SORCS2: variants seen among roughly 807,000 people sequenced by gnomAD.
SORCS2 encodes VPS10 domain-containing receptor SorCS2.
In SORCS2, 100 loss-of-function variants were observed where a neutral mutation model predicts 141.6. The ratio of observed to expected loss-of-function variants is 0.71; its 90% confidence interval spans 0.60 to 0.83. SORCS2 has a LOEUF of 0.83. SORCS2 is among the 40% of genes least tolerant of loss of function. SORCS2 has a pLI of 0.00. For synonymous variants in SORCS2, 789 were observed against 676.9 expected (o/e 1.17, Z -2.57); for missense variants, 1,646 against 1,560.2 (o/e 1.05, Z -0.93).
Position 7,342,572 on chromosome 4 carries a change from T to C in SORCS2, c.481-53716T>C, listed in dbSNP as rs1391504945. On this transcript the variant is annotated intron_variant, in intron 1 of 26. Transcript: ENST00000507866. ...TCCTTTCACCCTTGGAGGTGCGGCGTGAAAGGGAGGTGGAGGCGAACCTTG... is the reference window on the plus strand; with the variant it reads ...TCCTTTCACCCTTGGAGGTGCGGCGCGAAAGGGAGGTGGAGGCGAACCTTG... Among the ~76,000 whole-genome samples the C allele has an allele frequency of 2.0e-5, 3 of 151,990 alleles. No homozygotes were observed. The East Asian group carries it at 5.8e-4, about 30-fold the overall frequency.
At chr4:7,547,691 T>C in intron 3 of SORCS2, among the ~76,000 whole-genome samples, 1 of 152,178 alleles carries the variant, frequency 6.6e-6, no homozygotes, top group East Asian at 1.9e-4. Flanking sequence ...AGGACCCCAG[T>C]CACGGGATCT....
chr4:7,231,993 A>G (rs1177018171), intron 1 of SORCS2, among the ~76,000 whole-genome samples: 1 of 152,192 alleles, frequency 6.6e-6, no homozygotes, highest in Non-Finnish European at 1.5e-5. Flanking sequence ...GTCCTGGCCC[A>G]TCCTGGAGCT....
intron 1 of SORCS2, among the ~76,000 whole-genome samples, chr4:7,242,137 C>G (rs982546340): frequency 1.3e-5 from 2 of 152,218 alleles, no homozygotes; most frequent in Non-Finnish European, 2.9e-5. Context: ...GTGGCTGGTC[C>G]TTAGGAAAGC....
In SORCS2 at chr4:7,498,336, A is replaced by G. The variant is rs1731758670; in HGVS notation, c.549-33194A>G. Among the ~76,000 whole-genome samples the G allele has an allele frequency of 3.3e-5, 5 of 152,160 alleles. No individual in the cohort carries two copies. In the South Asian group the frequency reaches 1.0e-3, roughly 32 times the overall value. ...CAACCCTTTGCTACGGGTAAAGGGG[A>G]GGCCCAGAGTGGGAGCACCTGCCCA... On this transcript the variant is annotated intron_variant, in intron 2 of 26. Coordinates refer to ENST00000507866, the MANE Select transcript of SORCS2 (RefSeq NM_020777.3).
At chr4:7,552,677 T>G (rs569900038) in intron 3 of SORCS2, among the ~76,000 whole-genome samples, 1 of 152,122 alleles carries the variant, frequency 6.6e-6, no homozygotes, top group East Asian at 1.9e-4. Flanking sequence ...GTGGCTGCCC[T>G]CAGTGGGGTG....
intron 2 of SORCS2, among the ~76,000 whole-genome samples, chr4:7,453,603 G>A (rs1728645637): frequency 2.2e-5 from 3 of 135,998 alleles, no homozygotes; most frequent in Admixed American, 1.4e-4. Context: ...TTGGGGTCAG[G>A]AGCTGTGTGT....
chr4:7,674,893 A>C (rs975820970), intron 8 of SORCS2, among the ~76,000 whole-genome samples: 2 of 151,762 alleles, frequency 1.3e-5, no homozygotes, highest in Admixed American at 1.3e-4. Context: ...AGCCACAGCT[A>C]CACCGTAATT....
intron 3 of SORCS2, among the ~76,000 whole-genome samples, chr4:7,591,643 C>T (rs576585904): frequency 1.1e-4 from 16 of 152,298 alleles, no homozygotes; most frequent in Admixed American, 2.0e-4. Flanking sequence ...TTTTGAATTC[C>T]GGCTCACGAG....
chr4:7,527,554 TGC>T (rs1733773619), intron 2 of SORCS2, among the ~76,000 whole-genome samples: 1 of 151,998 alleles, frequency 6.6e-6, no homozygotes, highest in Admixed American at 6.6e-5. Context: ...TTCCAGGAGG[TGC>T]CTACACCTTG....
chr4:7,374,855 A>T (rs540163648), intron 1 of SORCS2, among the ~76,000 whole-genome samples: 58 of 152,220 alleles, frequency 3.8e-4, no homozygotes, highest in Admixed American at 2.6e-3. Flanking sequence ...TTTTTGCTGC[A>T]GGTGACCCTG....
intron 25 of SORCS2, chr4:7,735,514 G>C (rs1392251441): frequency 6.5e-6 from 1 of 154,060 alleles, no homozygotes; most frequent in Non-Finnish European, 1.5e-5. Context: ...CCACCCAAAG[G>C]GTTGGCCTGA....
intron 3 of SORCS2, among the ~76,000 whole-genome samples, chr4:7,568,460 A>T (rs969702574): frequency 5.9e-5 from 9 of 152,162 alleles, no homozygotes; most frequent in African/African-American, 2.2e-4. Context: ...TGCACTTGCG[A>T]TGTGCTACAT....
At chr4:7,277,611 A>G (rs1435755875) in intron 1 of SORCS2, among the ~76,000 whole-genome samples, 3 of 152,048 alleles carry the variant, frequency 2.0e-5, no homozygotes, top group African/African-American at 7.2e-5. Context: ...AGATGATTGG[A>G]TTAGACGGGG....
At chr4:7,352,914 C>T (rs1043489634) in intron 1 of SORCS2, among the ~76,000 whole-genome samples, 1 of 152,178 alleles carries the variant, frequency 6.6e-6, no homozygotes, top group Admixed American at 6.5e-5. Flanking sequence ...TCCTTGGAAC[C>T]TCCTAACACC....
chr4:7,420,567 G>A (rs528111543), intron 2 of SORCS2, among the ~76,000 whole-genome samples: 12 of 152,312 alleles, frequency 7.9e-5, no homozygotes, highest in Non-Finnish European at 1.5e-4. Flanking sequence ...ACTCAGGAAG[G>A]CAGGGTGTCC....
intron 1 of SORCS2, among the ~76,000 whole-genome samples, chr4:7,383,103 G>A (rs190997683): frequency 3.7e-4 from 57 of 152,260 alleles, no homozygotes; most frequent in African/African-American, 1.3e-3. Context: ...GGGCTGCTGA[G>A]GGGCGGATTT....
intron 2 of SORCS2, among the ~76,000 whole-genome samples, chr4:7,437,841 T>A (rs559269986): frequency 6.6e-6 from 1 of 152,286 alleles, no homozygotes; most frequent in African/African-American, 2.4e-5. Context: ...AGGTTCTCAC[T>A]GCCCCTCCCT....
intron 2 of SORCS2, among the ~76,000 whole-genome samples, chr4:7,465,641 A>C (rs1384075757): frequency 6.6e-6 from 1 of 152,238 alleles, no homozygotes. Context: ...ATACGTAGAC[A>C]TTCTAGAACA....
At chr4:7,704,734 C>T (rs1725307247) in intron 14 of SORCS2, among the ~76,000 whole-genome samples, 2 of 152,232 alleles carry the variant, frequency 1.3e-5, no homozygotes, top group South Asian at 4.1e-4. Flanking sequence ...TCGTTCAGAG[C>T]CTCTCTGGCC....
Sources: gnomAD v4.1 joint callset for allele counts (sites outside exome capture counted in the v4.1 genomes callset) on GRCh38, gnomAD v4.1.1 for gene constraint, MANE v1.5 for transcripts, NCBI Gene and HGNC (gene_info 2026-07-23, HGNC 2026-07-21) for gene names.